Variants in C1orf198 observed in about 807,000 individuals in gnomAD.
The protein encoded by C1orf198 is chromosome 1 open reading frame 198, also known as uncharacterized protein C1orf198.
A neutral mutation model predicts 31.4 loss-of-function variants in C1orf198; 17 were observed. The observed-to-expected ratio is 0.54, with a 90% CI of 0.37 to 0.81. The LOEUF (loss-of-function observed/expected upper bound fraction) is 0.81, where lower values mean the gene tolerates loss of function less well. C1orf198 is among the 40% of genes least tolerant of loss of function. The probability of loss-of-function intolerance (pLI) is 0.00; values close to 1 mark genes in which losing one functional copy is unlikely to be tolerated. For synonymous variants in C1orf198, 175 were observed against 193.8 expected, an observed-to-expected ratio of 0.90 and a Z score of 0.81; for missense variants, 401 against 450.3, an observed-to-expected ratio of 0.89 and a Z score of 0.99.
rs753381372 is a variant in C1orf198 at position 230,843,836 on chromosome 1, C to T, written c.445G>A (p.Ala149Thr). The T allele has an allele frequency of 1.7e-5, 27 of 1,551,306 alleles. 1 individual carries two copies. Among genetic ancestry groups the T allele is most frequent in the South Asian group, 6.2e-5 (5 of 81,038 alleles). The change falls in exon 3 of 4, where the codon GCC (alanine) becomes ACC (threonine). Residue 149 changes from alanine to threonine, a missense_variant. Physicochemically the swap from Ala to Thr is moderately conservative, Grantham distance 58. Coordinates refer to ENST00000366663, the MANE Select transcript of C1orf198 (RefSeq NM_032800.3). This position sits in a 1 kb window ranked among gnomAD's most constrained non-coding sequence, Gnocchi z 4.9. ...TTGGACAGTGGTCTGGGCTCGCTGG[C>T]GGCGGTGCCGTTGCTCGGCTCCTGG... is the stretch of plus-strand genomic sequence containing the variant. ...SIQEPSNGTA[A>T]SEPRPLSKAS... is the part of the protein sequence containing the mutation.
intron 2 of C1orf198, among the ~76,000 whole-genome samples, chr1:230,853,802 T>C (rs1203057904): frequency 6.6e-6 from 1 of 152,216 alleles, no homozygotes; most frequent in Non-Finnish European, 1.5e-5. Flanking sequence ...CTTACACTGG[T>C]TCCTAAGGGA....
chr1:230,843,525 C>T lies in C1orf198; in HGVS notation c.756G>A (p.Gln252=). The T allele has an allele frequency of 1.9e-6, 3 of 1,612,032 alleles. No homozygotes were observed. In the South Asian group the frequency reaches 3.3e-5, roughly 18 times the overall value. The change falls in exon 3 of 4, where the codon CAG becomes CAA. Residue 252 remains glutamine, a synonymous_variant. Coordinates refer to ENST00000366663, the MANE Select transcript of C1orf198 (RefSeq NM_032800.3). This position sits in a 1 kb window ranked among gnomAD's most constrained non-coding sequence, Gnocchi z 4.9. ...CGGTGCTCACGTTGGGAAGAGGACG[C>T]TGCTCCTGACGGAGGGTGCTGGGCC... ...VERPSTLRQE[Q]RPLPNVSTER...
chr1:230,846,519 A>G (rs913153912), intron 2 of C1orf198, among the ~76,000 whole-genome samples: 1 of 152,256 alleles, frequency 6.6e-6, no homozygotes, highest in East Asian at 1.9e-4. Context: ...AGAGAGCGGC[A>G]CATGCTCTCT....
chr1:230,841,356 C>G (rs927158425), intron 3 of C1orf198, among the ~76,000 whole-genome samples: 1 of 152,186 alleles, frequency 6.6e-6, no homozygotes, highest in African/African-American at 2.4e-5. Context: ...GAGGACAGCA[C>G]GTGCAGCCAT....
At chr1:230,847,102 CAAAAAAAAAA>C (rs71179741) in intron 2 of C1orf198, among the ~76,000 whole-genome samples, 25,580 of 69,298 alleles carry the variant, frequency 0.37, 2,879 homozygotes, top group Middle Eastern at 0.49. Flanking sequence ...GACTCCGTCT[CAAAAAAAAAA>C]AAAAAAAAAA....
intron 2 of C1orf198, among the ~76,000 whole-genome samples, chr1:230,845,411 C>G (rs1031438763): frequency 1.3e-5 from 2 of 150,246 alleles, no homozygotes; most frequent in Non-Finnish European, 3.0e-5. Flanking sequence ...AGGCCAGGCA[C>G]GATGGCTCAC....
At chr1:230,858,009 T>G (rs1318398536) in intron 1 of C1orf198, among the ~76,000 whole-genome samples, 2 of 152,200 alleles carry the variant, frequency 1.3e-5, no homozygotes, top group Non-Finnish European at 2.9e-5. Context: ...CCTTTAAAAA[T>G]GAGAGGAACC....
chr1:230,854,918 C>A (rs1232672764), intron 2 of C1orf198, among the ~76,000 whole-genome samples: 1 of 152,086 alleles, frequency 6.6e-6, no homozygotes, highest in Non-Finnish European at 1.5e-5. Context: ...GCAGTCCGAG[C>A]CCTATTCCAG....
At chr1:230,868,065 T>G in intron 1 of C1orf198, 115 bp downstream of exon 1, 1 of 1,127,416 alleles carries the variant, frequency 8.9e-7, no homozygotes, top group Non-Finnish European at 1.2e-6. Flanking sequence ...ATTCCTGCCT[T>G]TTCTTTTCCA....
At chr1:230,854,801 AG>A (rs1669833575) in intron 2 of C1orf198, among the ~76,000 whole-genome samples, 1 of 152,104 alleles carries the variant, frequency 6.6e-6, no homozygotes, top group Non-Finnish European at 1.5e-5. Flanking sequence ...CCCTCCTCAT[AG>A]GTCTCCTGCT....
intron 2 of C1orf198, among the ~76,000 whole-genome samples, chr1:230,854,573 A>C (rs983533967): frequency 6.6e-6 from 1 of 152,100 alleles, no homozygotes; most frequent in Non-Finnish European, 1.5e-5. Flanking sequence ...ACCACCTCTT[A>C]ACTCTAACAC....
rs1462179458 is a variant in C1orf198, at chr1:230,843,235, G to A, written c.927+119C>T. ...AGGCATCCTCTGAGGAAGAGGCAGG[G>A]GAAGGAGAAGAAAAAGAGCATGGGC... is the stretch of plus-strand genomic sequence containing the variant. On this transcript the variant is annotated intron_variant, in intron 3 of 3. Coordinates refer to ENST00000366663, the MANE Select transcript of C1orf198 (RefSeq NM_032800.3). This position sits in a 1 kb window ranked among gnomAD's most constrained non-coding sequence, Gnocchi z 4.9. 1 of 1,198,720 alleles carries A rather than the reference G, an allele frequency of 8.3e-7. No individual in the cohort carries two copies. Among genetic ancestry groups the A allele is most frequent in the Non-Finnish European group, 1.2e-6 (1 of 865,632 alleles). 74.3% of individuals were successfully genotyped at this position (1,198,720 alleles called of 1,614,324 possible).
chr1:230,858,743 T>C (rs1367311196), intron 1 of C1orf198, among the ~76,000 whole-genome samples: 3 of 152,166 alleles, frequency 2.0e-5, no homozygotes, highest in African/African-American at 7.2e-5. Context: ...CTCGATATGA[T>C]TCTAAATATT....
chr1:230,843,592 C>A lies in C1orf198; in HGVS notation c.689G>T (p.Arg230Leu). The A allele has an allele frequency of 1.2e-6, 2 of 1,614,192 alleles. No individual in the cohort carries two copies. The highest frequency in any genetic ancestry group is 1.7e-6 in the Non-Finnish European group (2 of 1,180,026). ...CCTGTCCTTCGGGGCAGGTTCCTGC[C>A]GGTAGCAGGGAGGCAAGACCTTTTC... ...KGEKVLPPCY[R>L]QEPAPKDREA... The change falls in exon 3 of 4, where the codon CGG becomes CTG. Residue 230 changes from arginine (R) to leucine (L), a missense_variant. Coordinates refer to ENST00000366663, the MANE Select transcript of C1orf198 (RefSeq NM_032800.3). The surrounding 1 kb of genome is among the most constrained non-coding windows in gnomAD (Gnocchi z 4.9).
rs1245598566 is a variant in C1orf198 at position 230,843,063 on chromosome 1, C to T, written c.927+291G>A. On this transcript the variant is annotated intron_variant, in intron 3 of 3. Coordinates refer to ENST00000366663, the MANE Select transcript of C1orf198 (RefSeq NM_032800.3). This position sits in a 1 kb window ranked among gnomAD's most constrained non-coding sequence, Gnocchi z 4.9. The stretch of plus-strand genomic sequence containing the variant: ...GTGACAGCCCTGGGCGCAGCGCCTT[C>T]CAGGGGCCTCTTCTGATAGCAGCCC... Among the ~76,000 whole-genome samples, 1 of 152,254 alleles carries T rather than the reference C, an allele frequency of 6.6e-6. No homozygotes were observed. Among genetic ancestry groups the T allele is most frequent in the South Asian group, 2.1e-4 (1 of 4,834 alleles).
chr1:230,837,661 G>T lies in C1orf198; in HGVS notation c.*2191C>A, dbSNP rs12699. The T allele has an allele frequency of 0.79, 119,624 of 152,184 alleles. 47,442 individuals carry two copies. The highest frequency in any genetic ancestry group is 0.93 in the East Asian group (4,833 of 5,170). The allele number at this position is 152,184 out of a possible 1,614,324, so 9.4% of individuals were successfully genotyped here. A position where few individuals can be genotyped will look rare whatever the true frequency, so the allele number is the denominator to read the frequency against. The stretch of plus-strand genomic sequence containing the variant: ...GTCAGGCAGGATGAAGACCCACACA[G>T]GAGCCTGTGTCCTCCAGGTCGTCCC... On this transcript the variant is annotated 3_prime_UTR_variant, in exon 4 of 4. Transcript: ENST00000366663.
At position 230,843,386 on chromosome 1, in the gene C1orf198, C is replaced by T. The variant is rs143565668; in HGVS notation, c.895G>A (p.Asp299Asn). 1.8e-5 allele frequency: 28 copies of T among 1,560,284 alleles called. No homozygotes were observed. In the African/African-American group the frequency reaches 2.9e-4, roughly 16 times the overall value. The change falls in exon 3 of 4, where the codon GAC (aspartate) becomes AAC (asparagine). Residue 299 changes from aspartate (D) to asparagine (N), a missense_variant. Physicochemically the swap from Asp to Asn is conservative, Grantham distance 23. Transcript: ENST00000366663. This position sits in a 1 kb window ranked among gnomAD's most constrained non-coding sequence, Gnocchi z 4.9. The part of the protein sequence containing the change: ...SPDVRQDDGE[D>N]TLFSEPKFAQ... ...AACTTGGGTTCCGAGAACAGGGTGT[C>T]TTCCCCATCGTCCTGCCTGACATCA...
At chr1:230,845,249 A>G (rs1446649105) in intron 2 of C1orf198, among the ~76,000 whole-genome samples, 4 of 148,238 alleles carry the variant, frequency 2.7e-5, no homozygotes, top group Admixed American at 2.7e-4. Flanking sequence ...AGGCATGATG[A>G]CACACGCCTG....
At chr1:230,864,670 G>C (rs897220518) in intron 1 of C1orf198, among the ~76,000 whole-genome samples, 12 of 152,302 alleles carry the variant, frequency 7.9e-5, no homozygotes, top group Admixed American at 7.8e-4. Context: ...AGATGGAAGA[G>C]GCAAGTAGGT....
Sources: gnomAD v4.1 joint callset for allele counts (sites outside exome capture counted in the v4.1 genomes callset) on GRCh38, gnomAD v4.1.1 for gene constraint, Gnocchi (gnomAD v3.1) non-coding constraint, MANE v1.5 for transcripts, NCBI Gene and HGNC (gene_info 2026-07-23, HGNC 2026-07-21) for gene names.